FAT1: variants seen among roughly 807,000 people sequenced by gnomAD.
FAT1 encodes the protein FAT atypical cadherin 1.
FAT1 carries 171 observed loss-of-function variants against 329.8 expected under a neutral mutation model. The observed-to-expected ratio is 0.52, with a 90% CI of 0.46 to 0.59. FAT1 has a LOEUF of 0.59. FAT1 is among the 20% of genes least tolerant of loss of function. The pLI is 0.00. For synonymous variants in FAT1, 2,233 were observed against 2,228.6 expected, an observed-to-expected ratio of 1.00 and a Z score of -0.06; for missense variants, 5,672 against 5,774.4, an observed-to-expected ratio of 0.98 and a Z score of 0.57.
chr4:186,658,487 T>C (rs771927283), intron 3 of FAT1, among the ~76,000 whole-genome samples: 6 of 152,202 alleles, frequency 3.9e-5, no homozygotes, highest in Non-Finnish European at 7.3e-5. Context: ...AGGAGATGTC[T>C]CCCTCTTTTC....
chr4:186,589,052 G>A lies in FAT1; in HGVS notation c.13307C>T (p.Pro4436Leu), dbSNP rs748671727. The A allele has an allele frequency of 6.2e-7, 1 of 1,613,926 alleles. No individual in the cohort carries two copies. Among genetic ancestry groups the A allele is most frequent in the Non-Finnish European group, 8.5e-7 (1 of 1,179,892 alleles). The change falls in exon 27 of 27, where the codon CCT (proline) becomes CTT (leucine). Residue 4436 changes from proline (P) to leucine (L), a missense_variant. This residue lies in a region of FAT1 where 1,706 missense variants were observed against 1,859.1 expected (regional missense o/e 0.92). Transcript: ENST00000441802. ...TGCGGGGAAGTCTTCTGGGGGTGGA[G>A]GAAAATCACTTTCGATGTCGTAGCC... The part of the protein sequence containing the change: ...PGGYDIESDF[P>L]PPPEDFPAAD...
intron 2 of FAT1, among the ~76,000 whole-genome samples, chr4:186,698,419 G>A (rs1032912014): frequency 6.6e-6 from 1 of 152,176 alleles, no homozygotes; most frequent in Non-Finnish European, 1.5e-5. Context: ...AGACTTACGT[G>A]CGCCCACAAA....
At chr4:186,688,220 A>G (rs1453591759) in intron 2 of FAT1, among the ~76,000 whole-genome samples, 1 of 152,052 alleles carries the variant, frequency 6.6e-6, no homozygotes, top group African/African-American at 2.4e-5. Flanking sequence ...AGCAGGAAAT[A>G]AATTTGCAAC....
At chr4:186,602,305 A>T (rs1738850811) in intron 20 of FAT1, among the ~76,000 whole-genome samples, 1 of 152,234 alleles carries the variant, frequency 6.6e-6, no homozygotes, top group Non-Finnish European at 1.5e-5. Flanking sequence ...AAAAAATTTA[A>T]AATGTCATTG....
At chr4:186,591,168 A>C (rs1017688509) in intron 26 of FAT1, among the ~76,000 whole-genome samples, 3 of 152,226 alleles carry the variant, frequency 2.0e-5, no homozygotes, top group African/African-American at 7.2e-5. Flanking sequence ...AATCCGTTAG[A>C]GTTGTTATGA....
chr4:186,699,437 T>C (rs1258456767), intron 2 of FAT1, among the ~76,000 whole-genome samples: 2 of 152,170 alleles, frequency 1.3e-5, no homozygotes, highest in African/African-American at 2.4e-5. Flanking sequence ...CGAGGAGATA[T>C]GGTACTGTTG....
At chr4:186,626,262 C>T (rs1417617042) in intron 9 of FAT1, among the ~76,000 whole-genome samples, 1 of 98,388 alleles carries the variant, frequency 1.0e-5, no homozygotes, top group East Asian at 4.1e-4. Context: ...AACATGGCAC[C>T]TGGCACATAA....
rs569985804 is a variant in FAT1 at position 186,617,647 on chromosome 4, A to C, written c.8878+61T>G. Reference sequence around the variant, plus strand: ...AATTTCCATACAATACAGATCTTATACTTTATGCTTCTAAAAATCATTTTA... The same window carrying C: ...AATTTCCATACAATACAGATCTTATCCTTTATGCTTCTAAAAATCATTTTA... On this transcript the variant is annotated intron_variant, in intron 10 of 26. Coordinates refer to ENST00000441802, the MANE Select transcript of FAT1 (RefSeq NM_005245.4). 470 of 1,370,594 alleles carry C rather than the reference A, an allele frequency of 3.4e-4. 7 individuals are homozygous for C. In the South Asian group the frequency reaches 6.6e-3, roughly 19 times the overall value. The allele number at this position is 1,370,594 out of a possible 1,614,324, so 84.9% of individuals were successfully genotyped here.
In FAT1 at chr4:186,708,474, T is replaced by C. The variant is rs768405982; in HGVS notation, c.1354A>G (p.Lys452Glu). 1.4e-5 allele frequency: 22 copies of C among 1,614,040 alleles called. No homozygotes were observed. Among genetic ancestry groups the C allele is most frequent in the Non-Finnish European group, 1.6e-5 (19 of 1,179,900 alleles). The change falls in exon 2 of 27, where the codon AAA becomes GAA. Residue 452 changes from lysine to glutamate, a missense_variant. Lys to Glu is a moderately conservative substitution (Grantham distance 56). Around this residue, in one of 2 missense-constraint regions of FAT1, gnomAD observed 3,966 missense variants for 3,915.2 expected, o/e 1.01. Coordinates refer to ENST00000441802, the MANE Select transcript of FAT1 (RefSeq NM_005245.4). ...GGATTGCTATTTGCACCTAAGACTT[T>C]CACCAAGACCTTGGTGGACGCTTTT... Reference protein sequence around the residue: ...DRKASTKVLVKVLGANSNPPE... With the variant: ...DRKASTKVLVEVLGANSNPPE...
chr4:186,691,392 T>C (rs1456491280), intron 2 of FAT1, among the ~76,000 whole-genome samples: 2 of 152,232 alleles, frequency 1.3e-5, no homozygotes, highest in African/African-American at 4.8e-5. Context: ...TTTATGAGAA[T>C]ATCACATTTT....
chr4:186,608,631 C>T (rs1472754250), intron 16 of FAT1, among the ~76,000 whole-genome samples: 1 of 152,170 alleles, frequency 6.6e-6, no homozygotes, highest in Admixed American at 6.5e-5. Flanking sequence ...AACTGACCTT[C>T]CTCAGCTCAC....
In FAT1 at chr4:186,620,297, C is replaced by T. The variant is rs769379321; in HGVS notation, c.6289G>A (p.Gly2097Ser). 6.2e-7 allele frequency: 1 copy of T among 1,613,958 alleles called. No homozygotes were observed. ...GCAGTGACATAGCGAATGACATGGCCCACCTCAGTGTCCACTTTAACAACG... is the reference window on the plus strand; with the variant it reads ...GCAGTGACATAGCGAATGACATGGCTCACCTCAGTGTCCACTTTAACAACG... ...YAVVKVDTEV[G>S]HVIRYVTAVD... Residue 2097 changes from glycine to serine, a missense_variant, in exon 10 of 27, where the codon GGC (glycine) becomes AGC (serine). Around this residue, in one of 2 missense-constraint regions of FAT1, gnomAD observed 3,966 missense variants for 3,915.2 expected, o/e 1.01. Transcript: ENST00000441802.
Position 186,596,724 on chromosome 4 carries a change from G to A in FAT1, c.12816C>T (p.Ser4272=), listed in dbSNP as rs868429649. The change falls in exon 25 of 27, where the codon TCC becomes TCT. Residue 4272 remains serine, a synonymous_variant. Coordinates refer to ENST00000441802, the MANE Select transcript of FAT1 (RefSeq NM_005245.4). The surrounding 1 kb of genome is among the most constrained non-coding windows in gnomAD (Gnocchi z 4.7). ...SDSRNNLDRN[S]FEGSAIPEHP... Reference sequence around the variant, plus strand: ...GCTCTGGGATAGCAGATCCTTCGAAGGAATTTCGGTCCAGATTGTTTCTTG... The same window carrying A: ...GCTCTGGGATAGCAGATCCTTCGAAAGAATTTCGGTCCAGATTGTTTCTTG... 1 of 1,613,996 alleles carries A rather than the reference G, an allele frequency of 6.2e-7. No homozygotes were observed. The highest frequency in any genetic ancestry group is 8.5e-7 in the Non-Finnish European group (1 of 1,179,890).
chr4:186,662,286 T>C (rs1742212257), intron 3 of FAT1, among the ~76,000 whole-genome samples: 1 of 152,174 alleles, frequency 6.6e-6, no homozygotes, highest in Non-Finnish European at 1.5e-5. Flanking sequence ...TGCCTTTAAT[T>C]TTTCAGTACT....
chr4:186,702,265 C>T (rs1744367079), intron 2 of FAT1, among the ~76,000 whole-genome samples: 1 of 152,222 alleles, frequency 6.6e-6, no homozygotes, highest in Non-Finnish European at 1.5e-5. Context: ...CATATTAATT[C>T]ATTCCCAGTC....
intron 21 of FAT1, among the ~76,000 whole-genome samples, chr4:186,600,868 G>A (rs143210014): frequency 2.0e-5 from 3 of 152,288 alleles, no homozygotes; most frequent in Non-Finnish European, 2.9e-5. Context: ...CCGCCACCAA[G>A]TCTGGCTAAT....
At chr4:186,602,636 C>T (rs1738868740) in intron 20 of FAT1, among the ~76,000 whole-genome samples, 1 of 152,156 alleles carries the variant, frequency 6.6e-6, no homozygotes, top group South Asian at 2.1e-4. Flanking sequence ...GAAAATTAAA[C>T]TGCTACATAA....
At chr4:186,710,535 G>T (rs1344007384) in intron 1 of FAT1, among the ~76,000 whole-genome samples, 3 of 152,044 alleles carry the variant, frequency 2.0e-5, no homozygotes, top group Non-Finnish European at 4.4e-5. Context: ...AGCAACATAA[G>T]CCCCAAAGAA....
intron 2 of FAT1, among the ~76,000 whole-genome samples, chr4:186,700,244 G>C (rs928201899): frequency 1.3e-5 from 2 of 152,184 alleles, no homozygotes; most frequent in Non-Finnish European, 2.9e-5. Context: ...CACAAGAAAA[G>C]CCTTCCAACA....
Sources: allele counts gnomAD v4.1 joint callset (sites outside exome capture counted in the v4.1 genomes callset), GRCh38; gene constraint gnomAD v4.1.1; regional missense constraint gnomAD v4.1.1; non-coding constraint Gnocchi (gnomAD v3.1); transcripts MANE v1.5; gene names NCBI Gene and HGNC (gene_info 2026-07-23, HGNC 2026-07-21).